KIF26B: variants seen among roughly 807,000 people sequenced by gnomAD.
The protein encoded by KIF26B is kinesin-like protein KIF26B.
Under a neutral mutation model 151.2 loss-of-function variants are expected in KIF26B, and 63 were observed. The ratio of observed to expected loss-of-function variants is 0.42; its 90% CI spans 0.34 to 0.51. The LOEUF (loss-of-function observed/expected upper bound fraction) is 0.51. KIF26B is among the 20% of genes least tolerant of loss of function. The pLI is 0.07. For synonymous variants in KIF26B, 1,357 were observed against 1,262.1 expected (o/e 1.08, Z -1.59); for missense variants, 2,813 against 2,913.6 (o/e 0.97, Z 0.79).
At chr1:245,231,216 T>C (rs1010105670) in intron 2 of KIF26B, among the ~76,000 whole-genome samples, 4 of 152,074 alleles carry the variant, frequency 2.6e-5, no homozygotes, top group African/African-American at 9.7e-5. Flanking sequence ...AAAACTAATA[T>C]TTAAAACTAC....
chr1:245,553,461 G>A lies in KIF26B; in HGVS notation c.1350+12511G>A, dbSNP rs145049173. On this transcript the variant is annotated intron_variant, in intron 5 of 14. Transcript: ENST00000407071. ...CTGAGGCTGGTCGTCCTCCTCTGCC[G>A]CTGACAGTCCCAAGCTCTCTTCCCT... Among the ~76,000 whole-genome samples the A allele has an allele frequency of 5.1e-3, 784 of 152,286 alleles. 2 individuals are homozygous for A. The highest frequency in any genetic ancestry group is 7.7e-3 in the Non-Finnish European group (525 of 68,022).
At chr1:245,256,785 T>C (rs532058317) in intron 2 of KIF26B, among the ~76,000 whole-genome samples, 6 of 152,320 alleles carry the variant, frequency 3.9e-5, no homozygotes, top group South Asian at 4.1e-4. Context: ...GCGGACTCTT[T>C]GTAGCAATGA....
At chr1:245,271,647 G>T (rs974610581) in intron 2 of KIF26B, among the ~76,000 whole-genome samples, 2 of 147,112 alleles carry the variant, frequency 1.4e-5, no homozygotes, top group African/African-American at 5.0e-5. Flanking sequence ...CTTTTAATGT[G>T]ATGTACCACA....
chr1:245,189,262 C>T (rs945920742), intron 2 of KIF26B, among the ~76,000 whole-genome samples: 1 of 152,136 alleles, frequency 6.6e-6, no homozygotes, highest in African/African-American at 2.4e-5. Context: ...TGCTTTTGTT[C>T]AAATCCTGGG....
Position 245,367,024 on chromosome 1 carries a change from G to T in KIF26B, c.656G>T (p.Cys219Phe), listed in dbSNP as rs1351043367. The T allele has an allele frequency of 6.2e-7, 1 of 1,610,400 alleles. No individual in the cohort carries two copies. Among genetic ancestry groups the T allele is most frequent in the South Asian group, 1.1e-5 (1 of 90,534 alleles). The change falls in exon 3 of 15, where the codon TGC becomes TTC. Residue 219 changes from cysteine to phenylalanine, a missense_variant. Coordinates refer to ENST00000407071, the MANE Select transcript of KIF26B (RefSeq NM_018012.4). This position sits in a 1 kb window ranked among gnomAD's most constrained non-coding sequence, Gnocchi z 4.2. ...AGTGAGCACTACGACGCCTCGCCCT[G>T]CTCCCCGCCACCGCTCTCCAACATC... ...AGSEHYDASP[C>F]SPPPLSNIPT...
At chr1:245,585,761 T>A (rs1558225503) in intron 5 of KIF26B, among the ~76,000 whole-genome samples, 1 of 152,240 alleles carries the variant, frequency 6.6e-6, no homozygotes, top group African/African-American at 2.4e-5. Context: ...GCATTACTCA[T>A]CAGCATTTAA....
chr1:245,554,785 G>A (rs1661980402), intron 5 of KIF26B, among the ~76,000 whole-genome samples: 1 of 152,148 alleles, frequency 6.6e-6, no homozygotes, highest in Non-Finnish European at 1.5e-5. Flanking sequence ...TTCCATTTTA[G>A]CGCTTTGATG....
intron 10 of KIF26B, among the ~76,000 whole-genome samples, chr1:245,664,906 A>G (rs2044197358): frequency 6.6e-6 from 1 of 152,220 alleles, no homozygotes; most frequent in Non-Finnish European, 1.5e-5. Flanking sequence ...GTTTATGTGC[A>G]TTAACACATC....
chr1:245,472,343 T>G (rs756947617), intron 4 of KIF26B, among the ~76,000 whole-genome samples: 2 of 152,220 alleles, frequency 1.3e-5, no homozygotes, highest in Non-Finnish European at 2.9e-5. Context: ...ACCAGTGGAC[T>G]CTTGGCTTTT....
At chr1:245,441,309 C>T (rs1251909148) in intron 4 of KIF26B, among the ~76,000 whole-genome samples, 2 of 152,160 alleles carry the variant, frequency 1.3e-5, no homozygotes, top group Non-Finnish European at 2.9e-5. Context: ...AAACGGCCAC[C>T]AGATTTTGTT....
intron 2 of KIF26B, among the ~76,000 whole-genome samples, chr1:245,205,074 C>CT (rs1669375653): frequency 6.6e-6 from 1 of 152,166 alleles, no homozygotes; most frequent in South Asian, 2.1e-4. Flanking sequence ...GAGAGAGCCA[C>CT]TGTGCTGGGC....
chr1:245,243,651 G>A (rs1008610981), intron 2 of KIF26B, among the ~76,000 whole-genome samples: 4 of 151,828 alleles, frequency 2.6e-5, no homozygotes, highest in Admixed American at 6.6e-5. Flanking sequence ...CTTTTTGAGT[G>A]GTTTATCTAA....
At chr1:245,262,483 C>T (rs1003416460) in intron 2 of KIF26B, among the ~76,000 whole-genome samples, 14 of 151,540 alleles carry the variant, frequency 9.2e-5, no homozygotes, top group African/African-American at 3.4e-4. Context: ...GATGGAGTTT[C>T]GCTATTGTTG....
intron 2 of KIF26B, among the ~76,000 whole-genome samples, chr1:245,347,456 T>G (rs796892445): frequency 2.6e-5 from 4 of 152,084 alleles, no homozygotes; most frequent in African/African-American, 9.6e-5. Context: ...AAGTAGCTGG[T>G]ATTACAGGTG....
intron 2 of KIF26B, among the ~76,000 whole-genome samples, chr1:245,297,207 G>A (rs971256413): frequency 2.0e-5 from 3 of 152,174 alleles, no homozygotes; most frequent in Non-Finnish European, 2.9e-5. Flanking sequence ...GCCGGTCGTG[G>A]TGGCACACAC....
At chr1:245,282,616 A>T (rs932378625) in intron 2 of KIF26B, among the ~76,000 whole-genome samples, 1 of 152,168 alleles carries the variant, frequency 6.6e-6, no homozygotes, top group Non-Finnish European at 1.5e-5. Flanking sequence ...CATCAATGAC[A>T]TGCCCAATCA....
chr1:245,474,932 A>T (rs1428283763), intron 4 of KIF26B, among the ~76,000 whole-genome samples: 1 of 151,766 alleles, frequency 6.6e-6, no homozygotes, highest in Non-Finnish European at 1.5e-5. Flanking sequence ...AATGACCTCT[A>T]GTTCCATGCA....
rs2103561738 is a variant in KIF26B, at chr1:245,244,748, A to ACG, written c.465+88067_465+88068dup. On this transcript the variant is annotated intron_variant, in intron 2 of 14. Transcript: ENST00000407071. This position sits in a 1 kb window ranked among gnomAD's most constrained non-coding sequence, Gnocchi z 4.2. ...CGTTTGTGAGAAGGAACACACAGACACGCACACTCACACACACACACACAC... is the reference window on the plus strand; with the variant it reads ...CGTTTGTGAGAAGGAACACACAGACACGCGCACACTCACACACACACACACAC... 9.6e-6 allele frequency among the ~76,000 whole-genome samples: 1 copy of ACG among 104,520 alleles called. No individual in the cohort carries two copies. The highest frequency in any genetic ancestry group is 3.7e-4 in the South Asian group (1 of 2,674). The allele number at this position is 104,520 out of a possible 152,430, so 68.6% of individuals were successfully genotyped here.
intron 2 of KIF26B, among the ~76,000 whole-genome samples, chr1:245,200,576 G>A (rs1433144492): frequency 6.6e-6 from 1 of 152,126 alleles, no homozygotes; most frequent in East Asian, 1.9e-4. Flanking sequence ...TTTCCCCTTT[G>A]AGACTGACTT....
Sources: gnomAD v4.1 joint callset for allele counts (sites outside exome capture counted in the v4.1 genomes callset) on GRCh38, gnomAD v4.1.1 for gene constraint, Gnocchi (gnomAD v3.1) non-coding constraint, MANE v1.5 for transcripts, NCBI Gene and HGNC (gene_info 2026-07-23, HGNC 2026-07-21) for gene names.